Variants in GCDH observed in about 807,000 individuals in gnomAD.
The protein encoded by GCDH is glutaryl-CoA dehydrogenase, mitochondrial.
In GCDH, 31 loss-of-function variants were observed where a neutral mutation model predicts 52.8. That is an observed-to-expected ratio of 0.59 (90% CI 0.44 to 0.79). The LOEUF is 0.79. GCDH is among the 30% of genes least tolerant of loss of function. GCDH has a pLI of 0.00. For missense variants in GCDH, 509 were observed against 595.0 expected (o/e 0.86, Z 1.50); for synonymous variants, 242 against 250.0 (o/e 0.97, Z 0.30).
intron 6 of GCDH, chr19:12,894,802 C>G: frequency 1.4e-6 from 1 of 691,612 alleles, no homozygotes; most frequent in Non-Finnish European, 2.4e-6. Flanking sequence ...CTAAGAAGCA[C>G]CAGGGACAAA....
intron 3 of GCDH, 44 bp downstream of exon 3, chr19:12,891,566 GCTGT>G (rs764813144): frequency 1.9e-6 from 3 of 1,614,078 alleles, no homozygotes; most frequent in East Asian, 2.2e-5. Context: ...CCCCTGTTCA[GCTGT>G]CTGTCTGCCG....
chr19:12,898,208 G>GATCC, intron 11 of GCDH: 1 of 387,064 alleles, frequency 2.6e-6, no homozygotes, highest in Non-Finnish European at 4.9e-6. Flanking sequence ...GCAAGGGAGT[G>GATCC]AGCGAAGCTA....
intron 5 of GCDH, among the ~76,000 whole-genome samples, chr19:12,893,162 T>C (rs752322142): frequency 1.3e-5 from 2 of 151,972 alleles, no homozygotes; most frequent in Non-Finnish European, 2.9e-5. Flanking sequence ...GCTGGGATTA[T>C]AAACGTGAGC....
At position 12,899,758 on chromosome 19, in the gene GCDH, CTTT is replaced by C. The variant is rs761616033; in HGVS notation, c.*219_*221del. Reference sequence around the variant, plus strand: ...ATTCTCTGTAGAGCGTCTCAATCCACTTTTAACCATGGATGAGAGCAGACTCCA... The same window carrying C: ...ATTCTCTGTAGAGCGTCTCAATCCACTAACCATGGATGAGAGCAGACTCCA... On this transcript the variant is annotated 3_prime_UTR_variant, in exon 12 of 12. Coordinates refer to ENST00000222214, the MANE Select transcript of GCDH (RefSeq NM_000159.4). 1 of 1,609,638 alleles carries C rather than the reference CTTT, an allele frequency of 6.2e-7. No homozygotes were observed. The highest frequency in any genetic ancestry group is 8.5e-7 in the Non-Finnish European group (1 of 1,176,822).
rs1970787363 is a variant in GCDH, at chr19:12,899,604, T to C, written c.*63T>C. Reference sequence around the variant, plus strand: ...TCTGGAGAGATGCCTGGCTGGACCGTAGGAGCGCTGTGCTCTGAGCTTAGA... The same window carrying C: ...TCTGGAGAGATGCCTGGCTGGACCGCAGGAGCGCTGTGCTCTGAGCTTAGA... On this transcript the variant is annotated 3_prime_UTR_variant, in exon 12 of 12. Transcript: ENST00000222214. 1.2e-6 allele frequency: 2 copies of C among 1,613,522 alleles called. No homozygotes were observed. The highest frequency in any genetic ancestry group is 1.3e-5 in the African/African-American group (1 of 74,908).
chr19:12,893,465 C>T lies in GCDH; in HGVS notation c.335-18C>T, dbSNP rs772357079. 3.7e-6 allele frequency: 6 copies of T among 1,611,354 alleles called. No individual in the cohort carries two copies. In the Admixed American group the frequency reaches 8.3e-5, roughly 22 times the overall value. On this transcript the variant is annotated intron_variant, in intron 5 of 11. Transcript: ENST00000222214. ...CCCTGTTCTCTATTGTCCTGCTTTC[C>T]CCTCCTACTACCACCAGGATATGGC...
chr19:12,892,669 A>G (rs1004105748), intron 5 of GCDH, among the ~76,000 whole-genome samples: 2 of 147,138 alleles, frequency 1.4e-5, no homozygotes, highest in African/African-American at 5.1e-5. Flanking sequence ...TGCAGCCTCC[A>G]CCTCCCGGGT....
Position 12,896,697 on chromosome 19 carries a change from T to C in GCDH, c.853-213T>C, listed in dbSNP as rs1970689479. The stretch of plus-strand genomic sequence containing the variant: ...TCCGTCAGCCTCCTGGCTCTGAGCA[T>C]CGAACCCAGATGCCAGGCTGGGTGG... On this transcript the variant is annotated intron_variant, in intron 8 of 11. Coordinates refer to ENST00000222214, the MANE Select transcript of GCDH (RefSeq NM_000159.4). The surrounding 1 kb of genome is among the most constrained non-coding windows in gnomAD (Gnocchi z 5.5). Among the ~76,000 whole-genome samples, 1 of 152,180 alleles carries C rather than the reference T, an allele frequency of 6.6e-6. No individual in the cohort carries two copies. The highest frequency in any genetic ancestry group is 1.5e-5 in the Non-Finnish European group (1 of 68,020).
At position 12,892,158 on chromosome 19, in the gene GCDH, T is replaced by TGC; in HGVS notation, c.315_316dup (p.Leu106ArgfsTer37). ...ATTTCGGAGATGGGGGAGTTGGGTG[T>TGC]GCTGGGCCCCACCATCAAAGGTAGG... is the stretch of plus-strand genomic sequence containing the variant. On this transcript the variant is annotated frameshift_variant, in exon 5 of 12. Coordinates refer to ENST00000222214, the MANE Select transcript of GCDH (RefSeq NM_000159.4). LOFTEE classifies it high-confidence loss of function. 2 of 1,614,176 alleles carry TGC rather than the reference T, an allele frequency of 1.2e-6. No homozygotes were observed. Among genetic ancestry groups the TGC allele is most frequent in the Non-Finnish European group, 1.7e-6 (2 of 1,179,996 alleles).
At chr19:12,892,583 C>T (rs150095692) in intron 5 of GCDH, 3,988 of 270,418 alleles carry the variant, frequency 0.015, 59 homozygotes, top group Middle Eastern at 0.045. Flanking sequence ...TGAGCCACCA[C>T]GTTCAGCCTT....
At chr19:12,894,901 A>G (rs1412101976) in intron 6 of GCDH, 3 of 397,480 alleles carry the variant, frequency 7.5e-6, no homozygotes, top group African/African-American at 2.2e-5. Context: ...GTAACAAATA[A>G]GATCAGATTC....
Position 12,899,764 on chromosome 19 carries a change from AC to A in GCDH, c.*225del, listed in dbSNP as rs767276271. On this transcript the variant is annotated 3_prime_UTR_variant, in exon 12 of 12. Coordinates refer to ENST00000222214, the MANE Select transcript of GCDH (RefSeq NM_000159.4). ...TGTAGAGCGTCTCAATCCACTTTTA[AC>A]CATGGATGAGAGCAGACTCCATTTA... 1.2e-5 allele frequency: 19 copies of A among 1,609,600 alleles called. No individual in the cohort carries two copies. In the East Asian group the frequency reaches 4.0e-4, roughly 34 times the overall value.
intron 9 of GCDH, 33 bp from the exon 10 acceptor site, chr19:12,897,270 C>A: frequency 6.2e-7 from 1 of 1,612,926 alleles, no homozygotes; most frequent in Admixed American, 1.7e-5. Flanking sequence ...GAGTGGGCCT[C>A]CCCTCGCTCT....
intron 3 of GCDH, 147 bp downstream of exon 3, chr19:12,891,669 G>A (rs779267319): frequency 6.2e-7 from 1 of 1,604,958 alleles, no homozygotes; most frequent in Admixed American, 1.7e-5. Flanking sequence ...CAGTGAGTGC[G>A]CTGTGCCTGC....
In GCDH at chr19:12,896,986, A is replaced by T. The variant is rs1169991644; in HGVS notation, c.929A>T (p.His310Leu). Residue 310 changes from histidine to leucine, a missense_variant, in exon 9 of 12, where the codon CAC becomes CTC. Transcript: ENST00000222214. This position sits in a 1 kb window ranked among gnomAD's most constrained non-coding sequence, Gnocchi z 5.5. ...GVLGASEFCL[H>L]TARQYALDRM... ...CTTGGAGCTTCGGAGTTCTGCTTGCACACAGCCCGGCAGTACGCCCTCGAC... is the reference window on the plus strand; with the variant it reads ...CTTGGAGCTTCGGAGTTCTGCTTGCTCACAGCCCGGCAGTACGCCCTCGAC... 1 of 1,612,578 alleles carries T rather than the reference A, an allele frequency of 6.2e-7. No homozygotes were observed. The highest frequency in any genetic ancestry group is 8.5e-7 in the Non-Finnish European group (1 of 1,179,878).
chr19:12,899,901 G>A lies in GCDH; in HGVS notation c.*360G>A. ...AGTGCGCCCTCCCTCCCTCCCATCT[G>A]GGGGTAGTGCCTTATGCTGGGTGTT... On this transcript the variant is annotated 3_prime_UTR_variant, in exon 12 of 12. Coordinates refer to ENST00000222214, the MANE Select transcript of GCDH (RefSeq NM_000159.4). 6.2e-7 allele frequency: 1 copy of A among 1,601,192 alleles called. No individual in the cohort carries two copies. Among genetic ancestry groups the A allele is most frequent in the South Asian group, 1.1e-5 (1 of 89,984 alleles).
rs1012650772 is a variant in GCDH at position 12,895,917 on chromosome 19, G to A, written c.506-75G>A. ...TGACAGGCGTGAGCCACTGCACCCC[G>A]CCACGAGGATAATTTTTGAGTAAGG... On this transcript the variant is annotated intron_variant, in intron 6 of 11. Transcript: ENST00000222214. 66 of 1,583,872 alleles carry A rather than the reference G, an allele frequency of 4.2e-5. No homozygotes were observed. In the East Asian group the frequency reaches 1.2e-3, roughly 29 times the overall value.
chr19:12,899,736 C>G lies in GCDH; in HGVS notation c.*195C>G. 1 of 1,611,752 alleles carries G rather than the reference C, an allele frequency of 6.2e-7. No individual in the cohort carries two copies. The highest frequency in any genetic ancestry group is 8.5e-7 in the Non-Finnish European group (1 of 1,178,784). On this transcript the variant is annotated 3_prime_UTR_variant, in exon 12 of 12. Coordinates refer to ENST00000222214, the MANE Select transcript of GCDH (RefSeq NM_000159.4). ...TGTTCCTTAAAAAGAAGATGGAATT[C>G]TCTGTAGAGCGTCTCAATCCACTTT...
rs1163643929 is a variant in GCDH, at chr19:12,896,665, T to G, written c.852+244T>G. Among the ~76,000 whole-genome samples, 1 of 152,200 alleles carries G rather than the reference T, an allele frequency of 6.6e-6. No individual in the cohort carries two copies. The highest frequency in any genetic ancestry group is 1.5e-5 in the Non-Finnish European group (1 of 68,030). The stretch of plus-strand genomic sequence containing the variant: ...CAGTCATTTGACTCACAGTGCATCT[T>G]CTGGCATCCGTCAGCCTCCTGGCTC... On this transcript the variant is annotated intron_variant, in intron 8 of 11. Coordinates refer to ENST00000222214, the MANE Select transcript of GCDH (RefSeq NM_000159.4). The surrounding 1 kb of genome is among the most constrained non-coding windows in gnomAD (Gnocchi z 5.5).
Sources: gnomAD v4.1 joint callset for allele counts (sites outside exome capture counted in the v4.1 genomes callset) on GRCh38, gnomAD v4.1.1 for gene constraint, Gnocchi (gnomAD v3.1) non-coding constraint, MANE v1.5 for transcripts, NCBI Gene and HGNC (gene_info 2026-07-23, HGNC 2026-07-21) for gene names.